The following RABGAP1L variants were observed in gnomAD, a reference collection of about 807,000 sequenced individuals.
RABGAP1L encodes RAB GTPase activating protein 1 like, also known as rab GTPase-activating protein 1-like.
A neutral mutation model predicts 137.7 loss-of-function variants in RABGAP1L; 63 were observed. The ratio of observed to expected loss-of-function variants is 0.46; its 90% CI spans 0.37 to 0.56. The LOEUF is 0.56. Ranked by LOEUF, RABGAP1L falls within the 20% of genes least tolerant of loss-of-function variation. RABGAP1L has a pLI of 0.00. For synonymous variants in RABGAP1L, 431 were observed against 433.7 expected (o/e 0.99, Z 0.08); for missense variants, 1,095 against 1,244.0 (o/e 0.88, Z 1.80).
At chr1:174,749,036 G>A (rs113896478) in intron 17 of RABGAP1L, among the ~76,000 whole-genome samples, 2,166 of 151,890 alleles carry the variant, frequency 0.014, 28 homozygotes, top group Middle Eastern at 0.027. Flanking sequence ...AGTTAGCCAG[G>A]TGTGGTGGCA....
intron 13 of RABGAP1L, among the ~76,000 whole-genome samples, chr1:174,451,810 G>C (rs1464826235): frequency 6.6e-6 from 1 of 152,006 alleles, no homozygotes; most frequent in Non-Finnish European, 1.5e-5. Context: ...AATCTGATAA[G>C]CTCAAACTTA....
chr1:174,601,881 G>A (rs1167929719), intron 13 of RABGAP1L, among the ~76,000 whole-genome samples: 1 of 152,082 alleles, frequency 6.6e-6, no homozygotes, highest in South Asian at 2.1e-4. Flanking sequence ...AATGCCACCA[G>A]TTTTTTTGCT....
At chr1:174,390,969 G>A (rs1687171233) in intron 12 of RABGAP1L, among the ~76,000 whole-genome samples, 2 of 152,180 alleles carry the variant, frequency 1.3e-5, no homozygotes, top group South Asian at 4.1e-4. Context: ...CAAGAGTAAA[G>A]AGAGATAACT....
intron 13 of RABGAP1L, among the ~76,000 whole-genome samples, chr1:174,445,327 T>C (rs574716202): frequency 6.6e-6 from 1 of 152,334 alleles, no homozygotes; most frequent in African/African-American, 2.4e-5. Flanking sequence ...TTAATTTGCA[T>C]TGTTCTAATT....
chr1:174,167,037 T>C (rs1664969520), intron 1 of RABGAP1L, among the ~76,000 whole-genome samples: 1 of 152,246 alleles, frequency 6.6e-6, no homozygotes, highest in Non-Finnish European at 1.5e-5. Flanking sequence ...GCTCCTAATA[T>C]GTAAATGTTG....
At chr1:174,305,274 G>T (rs987153819) in intron 11 of RABGAP1L, 147 bp downstream of exon 11, 6 of 815,556 alleles carry the variant, frequency 7.4e-6, no homozygotes, top group African/African-American at 7.2e-5. Flanking sequence ...GTGCAGAAAA[G>T]AATTTGGTTC....
intron 1 of RABGAP1L, among the ~76,000 whole-genome samples, chr1:174,195,742 T>TC (rs1442988762): frequency 2.0e-4 from 28 of 142,878 alleles, no homozygotes; most frequent in African/African-American, 5.6e-4. Context: ...TTTCTTTCTT[T>TC]CTTTCTTTCT....
chr1:174,981,412 A>G (rs1671092034), intron 23 of RABGAP1L, among the ~76,000 whole-genome samples: 1 of 152,180 alleles, frequency 6.6e-6, no homozygotes, highest in Non-Finnish European at 1.5e-5. Flanking sequence ...AAACTCAGCA[A>G]GCAAGCCCTC....
intron 19 of RABGAP1L, among the ~76,000 whole-genome samples, chr1:174,818,400 T>C (rs1277960761): frequency 6.6e-6 from 1 of 152,208 alleles, no homozygotes; most frequent in Non-Finnish European, 1.5e-5. Context: ...AAAGTAGCTA[T>C]TGTGCAATAT....
chr1:174,377,476 G>C (rs1242377159), intron 12 of RABGAP1L, among the ~76,000 whole-genome samples: 1 of 152,150 alleles, frequency 6.6e-6, no homozygotes, highest in Non-Finnish European at 1.5e-5. Flanking sequence ...GTAGTCAAAA[G>C]AGTATTGATA....
At chr1:174,510,169 C>T (rs1662196151) in intron 13 of RABGAP1L, among the ~76,000 whole-genome samples, 1 of 152,164 alleles carries the variant, frequency 6.6e-6, no homozygotes, top group African/African-American at 2.4e-5. Context: ...CCCAGTTTAG[C>T]TCTTTAGCCT....
intron 11 of RABGAP1L, among the ~76,000 whole-genome samples, chr1:174,336,156 A>AG (rs1260430209): frequency 6.6e-6 from 1 of 152,232 alleles, no homozygotes; most frequent in Non-Finnish European, 1.5e-5. Context: ...TCTTTTGCCT[A>AG]GGCTGGAATG....
At chr1:174,965,420 A>G (rs1669528040) in intron 20 of RABGAP1L, among the ~76,000 whole-genome samples, 1 of 152,196 alleles carries the variant, frequency 6.6e-6, no homozygotes, top group African/African-American at 2.4e-5. Context: ...AAATGAACCA[A>G]GCAGGGTTAC....
At chr1:174,747,354 A>G (rs962111203) in intron 17 of RABGAP1L, among the ~76,000 whole-genome samples, 1 of 147,274 alleles carries the variant, frequency 6.8e-6, no homozygotes, top group African/African-American at 2.5e-5. Context: ...GTGAGTGGTG[A>G]TCACACCACT....
At chr1:174,195,687 TC>T (rs1667568243) in intron 1 of RABGAP1L, among the ~76,000 whole-genome samples, 7 of 117,006 alleles carry the variant, frequency 6.0e-5, no homozygotes, top group African/African-American at 2.3e-4. Flanking sequence ...TTTCCTTCTT[TC>T]CTTCTTTCCT....
chr1:174,326,002 C>G (rs1173711789), intron 11 of RABGAP1L, among the ~76,000 whole-genome samples: 2 of 152,198 alleles, frequency 1.3e-5, no homozygotes, highest in African/African-American at 4.8e-5. Flanking sequence ...TCGTGTCTAA[C>G]CTGGGCTTAG....
At position 174,292,875 on chromosome 1, in the gene RABGAP1L, A is replaced by C. The variant is rs183203495; in HGVS notation, c.1324-12111A>C. On this transcript the variant is annotated intron_variant, in intron 10 of 25. Transcript: ENST00000681986. ...CTACTAATTATTTTTTAATTAGTTTACTACATACCATACCCTCTTCTAAGC... is the reference window on the plus strand; with the variant it reads ...CTACTAATTATTTTTTAATTAGTTTCCTACATACCATACCCTCTTCTAAGC... Among the ~76,000 whole-genome samples the C allele has an allele frequency of 2.9e-3, 438 of 152,320 alleles. 1 individual carries two copies. Among genetic ancestry groups the C allele is most frequent in the African/African-American group, 9.7e-3 (404 of 41,572 alleles).
intron 14 of RABGAP1L, among the ~76,000 whole-genome samples, chr1:174,671,251 T>C (rs1346985608): frequency 6.6e-6 from 1 of 152,220 alleles, no homozygotes; most frequent in Non-Finnish European, 1.5e-5. Flanking sequence ...GGGTTTTCCA[T>C]ATATAAAATG....
At chr1:174,982,182 A>G (rs1671196038) in intron 23 of RABGAP1L, among the ~76,000 whole-genome samples, 1 of 152,048 alleles carries the variant, frequency 6.6e-6, no homozygotes, top group South Asian at 2.1e-4. Context: ...CATGCAGAAC[A>G]TGCAGTTTTG....
Sources: allele counts gnomAD v4.1 joint callset (sites outside exome capture counted in the v4.1 genomes callset), GRCh38; gene constraint gnomAD v4.1.1; transcripts MANE v1.5; gene names NCBI Gene and HGNC (gene_info 2026-07-23, HGNC 2026-07-21).